ZMYM2: variants seen among roughly 807,000 people sequenced by gnomAD.
The protein encoded by ZMYM2 is zinc finger MYM-type containing 2, also known as zinc finger MYM-type protein 2.
A neutral mutation model predicts 162.8 loss-of-function variants in ZMYM2; 56 were observed. That is an observed-to-expected ratio of 0.34 (90% confidence interval 0.28 to 0.43). ZMYM2 has a LOEUF of 0.43. Ranked by LOEUF, ZMYM2 falls within the 20% of genes least tolerant of loss-of-function variation. The pLI is 1.00. For missense variants in ZMYM2, 1,275 were observed against 1,621.8 expected, an observed-to-expected ratio of 0.79 and a Z score of 3.67; for synonymous variants, 510 against 541.6, an observed-to-expected ratio of 0.94 and a Z score of 0.81.
At chr13:19,977,507 T>A (rs1480205373) in intron 2 of ZMYM2, among the ~76,000 whole-genome samples, 1 of 151,970 alleles carries the variant, frequency 6.6e-6, no homozygotes, top group African/African-American at 2.4e-5. Context: ...TTTTTTTTTT[T>A]TTTGAGACGG....
chr13:19,939,020 A>ATT, the ZMYM2 span, among the ~76,000 whole-genome samples: 31 of 124,136 alleles, frequency 2.5e-4, no homozygotes, highest in East Asian at 4.6e-4. Flanking sequence ...CTTTGTTGTA[A>ATT]TTTTTTTTTT....
chr13:19,906,607 A>G, the ZMYM2 span, among the ~76,000 whole-genome samples: 1 of 151,112 alleles, frequency 6.6e-6, no homozygotes, highest in African/African-American at 2.4e-5. Context: ...ATGCCACTCA[A>G]CTGTGTTGCC....
chr13:19,950,357 G>C, the ZMYM2 span, among the ~76,000 whole-genome samples: 1 of 152,196 alleles, frequency 6.6e-6, no homozygotes, highest in Non-Finnish European at 1.5e-5. Context: ...GGTAAATTAA[G>C]TTTAGCCGAA....
chr13:19,997,738 G>T (rs953755607), intron 3 of ZMYM2, among the ~76,000 whole-genome samples: 1 of 151,810 alleles, frequency 6.6e-6, no homozygotes, highest in African/African-American at 2.4e-5. Flanking sequence ...TTGTCTTACC[G>T]CTGAGAATCA....
At chr13:20,058,758 T>TG in intron 15 of ZMYM2, 54 bp downstream of exon 15, 10 of 1,594,558 alleles carry the variant, frequency 6.3e-6, no homozygotes, top group Non-Finnish European at 7.7e-6. Flanking sequence ...TCTCACCTAA[T>TG]GAAATACATG....
At chr13:20,079,362 A>G (rs1230391952) in intron 21 of ZMYM2, among the ~76,000 whole-genome samples, 1 of 135,244 alleles carries the variant, frequency 7.4e-6, no homozygotes, top group Non-Finnish European at 1.6e-5. Context: ...AATGAATTCA[A>G]ATCCCATAAT....
rs779266201 is a variant in ZMYM2, at chr13:19,993,606, A to G, written c.534A>G (p.Pro178=). Residue 178 remains proline (P), a synonymous_variant, in exon 3 of 25, where the codon CCA becomes CCG. Coordinates refer to ENST00000610343, the MANE Select transcript of ZMYM2 (RefSeq NM_197968.4). ...GMGNSGITTE[P]DSEIQIANVT... is the part of the protein sequence containing the mutation. ...GTAATAGTGGTATCACCACAGAACC[A>G]GACTCTGAAATTCAGATTGCTAATG... 3 of 1,614,094 alleles carry G rather than the reference A, an allele frequency of 1.9e-6. No individual in the cohort carries two copies. The African/African-American group carries it at 4.0e-5, about 22-fold the overall frequency.
the ZMYM2 span, among the ~76,000 whole-genome samples, chr13:19,907,823 CG>C: frequency 8.6e-6 from 1 of 116,866 alleles, no homozygotes; most frequent in South Asian, 2.8e-4. Flanking sequence ...GAAAAGAGAA[CG>C]AAAAAAAGGT....
chr13:19,892,986 T>C, the ZMYM2 span, among the ~76,000 whole-genome samples: 4 of 151,664 alleles, frequency 2.6e-5, no homozygotes, highest in African/African-American at 9.7e-5. Flanking sequence ...GTGCTGGGAT[T>C]ACAGGTGTGA....
intron 6 of ZMYM2, among the ~76,000 whole-genome samples, chr13:20,018,212 A>G (rs1951780395): frequency 6.6e-6 from 1 of 152,238 alleles, no homozygotes; most frequent in Admixed American, 6.5e-5. Context: ...CAGTGGATAG[A>G]GAAAATGTTC....
the ZMYM2 span, among the ~76,000 whole-genome samples, chr13:19,945,099 A>G: frequency 6.6e-6 from 1 of 152,262 alleles, no homozygotes; most frequent in East Asian, 1.9e-4. Context: ...TTATAGTGAT[A>G]TAATTTAAAA....
chr13:19,947,854 G>A, the ZMYM2 span, among the ~76,000 whole-genome samples: 1 of 151,832 alleles, frequency 6.6e-6, no homozygotes, highest in East Asian at 1.9e-4. Context: ...GAAGATGACC[G>A]CTCTATTCTC....
intron 16 of ZMYM2, among the ~76,000 whole-genome samples, chr13:20,060,195 T>C (rs1395232516): frequency 6.6e-6 from 1 of 152,212 alleles, no homozygotes; most frequent in African/African-American, 2.4e-5. Context: ...TTGCAGTTAC[T>C]AGTTTAATGA....
chr13:19,935,728 C>T, the ZMYM2 span, among the ~76,000 whole-genome samples: 2 of 152,078 alleles, frequency 1.3e-5, no homozygotes, highest in Non-Finnish European at 1.5e-5. Context: ...TCATTGCAAC[C>T]TCCGCCTCCT....
chr13:19,957,010 T>A (rs1954561209), upstream of ZMYM2, among the ~76,000 whole-genome samples: 1 of 152,216 alleles, frequency 6.6e-6, no homozygotes, highest in South Asian at 2.1e-4. Flanking sequence ...AACTAAAAAA[T>A]TTTAGTTACA....
intron 2 of ZMYM2, among the ~76,000 whole-genome samples, chr13:19,969,787 CTA>C (rs1330588002): frequency 6.6e-6 from 1 of 151,228 alleles, no homozygotes. Flanking sequence ...TTCTGATACT[CTA>C]TGCTCTGTAT....
chr13:19,979,597 G>C (rs529222646), intron 2 of ZMYM2, among the ~76,000 whole-genome samples: 9 of 152,268 alleles, frequency 5.9e-5, no homozygotes, highest in African/African-American at 2.2e-4. Flanking sequence ...ATGCTACAGG[G>C]AAAGCTGCTC....
chr13:20,050,228 GA>G (rs1332116231), intron 12 of ZMYM2, among the ~76,000 whole-genome samples: 15 of 146,020 alleles, frequency 1.0e-4, no homozygotes, highest in African/African-American at 1.0e-4. Flanking sequence ...CTGACCTGGA[GA>G]AAAAAAAAAG....
In ZMYM2 at chr13:20,086,447, G is replaced by A; in HGVS notation, c.*433G>A. The A allele has an allele frequency of 4.5e-6, 1 of 222,954 alleles. No homozygotes were observed. 13.8% of individuals were successfully genotyped at this position (222,954 alleles called of 1,614,324 possible). On this transcript the variant is annotated 3_prime_UTR_variant, in exon 25 of 25. Coordinates refer to ENST00000610343, the MANE Select transcript of ZMYM2 (RefSeq NM_197968.4). ...CACTACTAAAAGTTTAGAACTTGCA[G>A]TGTCTTTCGGAATTTTTAAAATAAA... is the stretch of plus-strand genomic sequence containing the variant.
Sources: allele counts gnomAD v4.1 joint callset (sites outside exome capture counted in the v4.1 genomes callset), GRCh38; gene constraint gnomAD v4.1.1; transcripts MANE v1.5; gene names NCBI Gene and HGNC (gene_info 2026-07-23, HGNC 2026-07-21).